Variants in PROCA1 observed in about 807,000 individuals in gnomAD.
PROCA1 encodes the protein protein interacting with cyclin A1.
PROCA1 carries 22 observed loss-of-function variants against 23.2 expected under a neutral mutation model. The ratio of observed to expected loss-of-function variants is 0.95; its 90% confidence interval spans 0.68 to 1.35. PROCA1 has a LOEUF of 1.35. Ranked by LOEUF, PROCA1 falls within the 40% of genes most tolerant of loss-of-function variation. The pLI, the probability that PROCA1 is intolerant of heterozygous loss-of-function variation, is 0.00. For synonymous variants in PROCA1, 182 were observed against 179.2 expected, an observed-to-expected ratio of 1.02 and a Z score of -0.12; for missense variants, 469 against 459.8, an observed-to-expected ratio of 1.02 and a Z score of -0.18.
rs1014784563 is a variant in PROCA1 at position 28,711,604 on chromosome 17, G to A, written c.57C>T (p.Pro19=). ...TGCTCTCATCCCACGAGCGGGCCTT[G>A]GGCTCGGTCTTTTCCTTAGTCCATC... ...IERWTKEKTE[P]KARSWDESRC... Residue 19 remains proline, a synonymous_variant, in exon 1 of 5, where the codon CCC becomes CCT. Transcript: ENST00000682792. The A allele has an allele frequency of 1.2e-6, 2 of 1,611,806 alleles. No individual in the cohort carries two copies. The highest frequency in any genetic ancestry group is 2.7e-5 in the African/African-American group (2 of 74,698).
rs1249369733 is a variant in PROCA1, at chr17:28,703,763, G to A, written c.890C>T (p.Pro297Leu). ...RQLARMSESSPESREELESED... is the reference protein window; with the variant it reads ...RQLARMSESSLESREELESED... Reference sequence around the variant, plus strand: ...GCTCTCCAGCTCTTCCCGGCTTTCTGGGCTGGACTCGGACATCCTGGCCAG... The same window carrying A: ...GCTCTCCAGCTCTTCCCGGCTTTCTAGGCTGGACTCGGACATCCTGGCCAG... Residue 297 changes from proline (P) to leucine (L), a missense_variant, in exon 5 of 5, where the codon CCA (proline) becomes CTA (leucine). Pro to Leu is a moderately conservative substitution (Grantham distance 98). Coordinates refer to ENST00000682792, the MANE Select transcript of PROCA1 (RefSeq NM_001366301.1). 1 of 1,614,072 alleles carries A rather than the reference G, an allele frequency of 6.2e-7. No individual in the cohort carries two copies. The highest frequency in any genetic ancestry group is 8.5e-7 in the Non-Finnish European group (1 of 1,180,028).
At position 28,703,224 on chromosome 17, in the gene PROCA1, G is replaced by A. The variant is rs531282875; in HGVS notation, c.*334C>T. The A allele has an allele frequency of 7.2e-6, 2 of 278,368 alleles. No individual in the cohort carries two copies. The highest frequency in any genetic ancestry group is 7.6e-5 in the South Asian group (1 of 13,128). The allele number at this position is 278,368 out of a possible 1,614,324, so 17.2% of individuals were successfully genotyped here. On this transcript the variant is annotated 3_prime_UTR_variant, in exon 5 of 5. Coordinates refer to ENST00000682792, the MANE Select transcript of PROCA1 (RefSeq NM_001366301.1). ...GGTTAAAAAGTTCCGTTTATTGGGG[G>A]TATCGCTGCAGACAGTACTGCCTGT...
intron 1 of PROCA1, 177 bp from the exon 2 acceptor site, chr17:28,706,940 T>TGGGG (rs1567716248): frequency 0.031 from 6 of 194 alleles, 1 homozygote; most frequent in African/African-American, 0.045. Flanking sequence ...GGTGGGGCTA[T>TGGGG]GAGGGGGAGG....
Position 28,711,674 on chromosome 17 carries a change from G to A in PROCA1, c.-14C>T. Reference sequence around the variant, plus strand: ...CCTGACCCACATCGCTCTCCGCCCAGGTCTTCGTCTCTACAGGACTCTTGC... The same window carrying A: ...CCTGACCCACATCGCTCTCCGCCCAAGTCTTCGTCTCTACAGGACTCTTGC... On this transcript the variant is annotated 5_prime_UTR_variant, in exon 1 of 5. Coordinates refer to ENST00000682792, the MANE Select transcript of PROCA1 (RefSeq NM_001366301.1). 1 of 1,610,306 alleles carries A rather than the reference G, an allele frequency of 6.2e-7. No individual in the cohort carries two copies. Among genetic ancestry groups the A allele is most frequent in the Non-Finnish European group, 8.5e-7 (1 of 1,178,242 alleles).
rs199998862 is a variant in PROCA1 at position 28,711,669 on chromosome 17, G to T, written c.-9C>A. On this transcript the variant is annotated 5_prime_UTR_variant, in exon 1 of 5. Transcript: ENST00000682792. ...GTCGTCCTGACCCACATCGCTCTCC[G>T]CCCAGGTCTTCGTCTCTACAGGACT... 1,689 of 1,610,610 alleles carry T rather than the reference G, an allele frequency of 1.0e-3. 4 individuals carry two copies. Among genetic ancestry groups the T allele is most frequent in the South Asian group, 2.0e-3 (182 of 90,848 alleles).
intron 1 of PROCA1, chr17:28,711,228 C>T: frequency 9.7e-7 from 1 of 1,028,008 alleles, no homozygotes; most frequent in Non-Finnish European, 1.3e-6. Flanking sequence ...GGGCTCCAGC[C>T]AAGGCCGGCG....
chr17:28,708,748 G>GAAAAAAAAAAAA (rs2032645122), intron 1 of PROCA1, among the ~76,000 whole-genome samples: 1 of 129,920 alleles, frequency 7.7e-6, no homozygotes, highest in African/African-American at 2.9e-5. Context: ...AAAAAAAAAC[G>GAAAAAAAAAAAA]ACATTTTGGG....
At chr17:28,704,916 CCT>C (rs2032390177) in intron 2 of PROCA1, 73 bp from the exon 3 acceptor site, 2 of 1,478,826 alleles carry the variant, frequency 1.4e-6, no homozygotes, top group South Asian at 2.5e-5. Context: ...CAAGCTAAAA[CCT>C]CACCAAATTC....
At chr17:28,711,056 GA>G in intron 1 of PROCA1, 2 of 1,179,774 alleles carry the variant, frequency 1.7e-6, no homozygotes, top group Non-Finnish European at 2.1e-6. Flanking sequence ...GGAAGCAAGG[GA>G]GGGGCAGTGC....
chr17:28,711,600 C>T lies in PROCA1; in HGVS notation c.61G>A (p.Ala21Thr), dbSNP rs1343720854. 1 of 1,611,940 alleles carries T rather than the reference C, an allele frequency of 6.2e-7. No homozygotes were observed. The highest frequency in any genetic ancestry group is 1.7e-5 in the Admixed American group (1 of 59,920). ...CATCTGCTCTCATCCCACGAGCGGG[C>T]CTTGGGCTCGGTCTTTTCCTTAGTC... is the stretch of plus-strand genomic sequence containing the variant. The part of the protein sequence containing the change: ...RWTKEKTEPK[A>T]RSWDESRCRD... Residue 21 changes from alanine to threonine, a missense_variant, in exon 1 of 5, where the codon GCC becomes ACC. Physicochemically the swap from Ala to Thr is moderately conservative, Grantham distance 58. Coordinates refer to ENST00000682792, the MANE Select transcript of PROCA1 (RefSeq NM_001366301.1).
intron 1 of PROCA1, among the ~76,000 whole-genome samples, chr17:28,710,506 C>CA (rs71278535): frequency 0.055 from 1,652 of 29,796 alleles, 87 homozygotes; most frequent in African/African-American, 0.073. Context: ...GATTCCATCT[C>CA]AAAAAAAAAA....
At chr17:28,711,041 G>A (rs2032756753) in intron 1 of PROCA1, 5 of 1,187,968 alleles carry the variant, frequency 4.2e-6, no homozygotes, top group Middle Eastern at 3.8e-4. Context: ...AAGGAGGGAA[G>A]AGGAGGAAGC....
Position 28,704,309 on chromosome 17 carries a change from G to T in PROCA1, c.438C>A (p.Gly146=). Residue 146 remains glycine (G), a splice_region_variant and synonymous_variant, in exon 4 of 5, where the codon GGC becomes GGA. Transcript: ENST00000682792. ...TCAGCCCACCGGGGCTCACTCACCA[G>T]CCATACCGGAATCGCTCCACATGCT... ...EEEHVERFRY[G]WCKSYRPVSV... 6.2e-7 allele frequency: 1 copy of T among 1,612,196 alleles called. No individual in the cohort carries two copies. Among genetic ancestry groups the T allele is most frequent in the Non-Finnish European group, 8.5e-7 (1 of 1,178,914 alleles).
At chr17:28,705,934 A>C (rs949737701) in intron 2 of PROCA1, 1 of 152,342 alleles carries the variant, frequency 6.6e-6, no homozygotes, top group African/African-American at 2.4e-5. Context: ...TGCCTTTGCC[A>C]GCCCCCACGA....
At chr17:28,707,125 C>T (rs925408235) in intron 1 of PROCA1, 7 of 259,868 alleles carry the variant, frequency 2.7e-5, no homozygotes, top group Non-Finnish European at 3.9e-5. Context: ...GAATAGGAGC[C>T]AGCCAGGGTC....
rs766230452 is a variant in PROCA1 at position 28,703,777 on chromosome 17, C to T, written c.876G>A (p.Met292Ile). Residue 292 changes from methionine (M) to isoleucine (I), a missense_variant, in exon 5 of 5, where the codon ATG becomes ATA. Physicochemically the swap from Met to Ile is conservative, Grantham distance 10. Transcript: ENST00000682792. Reference protein sequence around the residue: ...RSLSARQLARMSESSPESREE... With the variant: ...RSLSARQLARISESSPESREE... ...CCCGGCTTTCTGGGCTGGACTCGGA[C>T]ATCCTGGCCAGCTGTCTTGCGCTTA... The T allele has an allele frequency of 3.1e-6, 5 of 1,614,144 alleles. No individual in the cohort carries two copies. Among genetic ancestry groups the T allele is most frequent in the South Asian group, 1.1e-5 (1 of 91,088 alleles).
chr17:28,707,523 C>G (rs1597736987), intron 1 of PROCA1: 2 of 152,194 alleles, frequency 1.3e-5, no homozygotes, highest in Non-Finnish European at 2.9e-5. Flanking sequence ...TTTCTCTCAG[C>G]AGATAATTTC....
chr17:28,710,918 G>A, intron 1 of PROCA1: 1 of 1,301,194 alleles, frequency 7.7e-7, no homozygotes, highest in Non-Finnish European at 1.0e-6. Flanking sequence ...CGGGGCCGAG[G>A]AGCTCTCCTC....
At chr17:28,710,575 C>G (rs1168605576) in intron 1 of PROCA1, among the ~76,000 whole-genome samples, 2 of 151,502 alleles carry the variant, frequency 1.3e-5, no homozygotes, top group African/African-American at 4.9e-5. Context: ...CTCACTAGCT[C>G]CCCCAGAGCT....
Sources: gnomAD v4.1 joint callset for allele counts (sites outside exome capture counted in the v4.1 genomes callset) on GRCh38, gnomAD v4.1.1 for gene constraint, MANE v1.5 for transcripts, NCBI Gene and HGNC (gene_info 2026-07-23, HGNC 2026-07-21) for gene names.